Variants in AFDN observed in about 807,000 individuals in gnomAD.
AFDN encodes afadin.
AFDN carries 68 observed loss-of-function variants against 216.6 expected under a neutral mutation model. The observed-to-expected ratio is 0.31, with a 90% CI of 0.26 to 0.38. The LOEUF is 0.38. Among genes scored for constraint, AFDN ranks in the 10% least tolerant of loss-of-function variants. The pLI is 1.00. For missense variants in AFDN, 2,136 were observed against 2,342.0 expected, an observed-to-expected ratio of 0.91 and a Z score of 1.82; for synonymous variants, 868 against 853.7, an observed-to-expected ratio of 1.02 and a Z score of -0.29.
intron 20 of AFDN, 59 bp from the exon 21 acceptor site, chr6:167,918,676 G>C (rs2273134): frequency 0.33 from 496,645 of 1,490,896 alleles, 86,620 homozygotes; most frequent in East Asian, 0.61. Context: ...AATAGTTGTT[G>C]GTCACATGCA....
intron 26 of AFDN, among the ~76,000 whole-genome samples, chr6:167,945,649 G>A (rs1293816130): frequency 2.0e-5 from 3 of 152,234 alleles, no homozygotes; most frequent in South Asian, 4.1e-4. Context: ...TTTCAGCTCC[G>A]TTTTAATCTT....
chr6:167,939,302 G>A (rs1367804434), intron 23 of AFDN, among the ~76,000 whole-genome samples: 1 of 152,208 alleles, frequency 6.6e-6, no homozygotes, highest in Non-Finnish European at 1.5e-5. Context: ...AAAATGTCGT[G>A]AGGTGCCCAT....
At chr6:167,874,213 C>T (rs1207652831) in intron 4 of AFDN, among the ~76,000 whole-genome samples, 1 of 152,168 alleles carries the variant, frequency 6.6e-6, no homozygotes, top group East Asian at 1.9e-4. Flanking sequence ...CACTGGACTA[C>T]ATAGCGAGAC....
chr6:167,916,743 G>A (rs151005560), intron 19 of AFDN, among the ~76,000 whole-genome samples: 138 of 152,084 alleles, frequency 9.1e-4, no homozygotes, highest in African/African-American at 3.3e-3. Context: ...GTTATGAAAA[G>A]TCAGGACGAT....
intron 1 of AFDN, among the ~76,000 whole-genome samples, chr6:167,851,399 G>T (rs1782290312): frequency 6.6e-6 from 1 of 152,140 alleles, no homozygotes; most frequent in Non-Finnish European, 1.5e-5. Flanking sequence ...GTATCCATTA[G>T]ATATTTTTTT....
chr6:167,870,472 A>G lies in AFDN; in HGVS notation c.388A>G (p.Asn130Asp). 2 of 1,611,664 alleles carry G rather than the reference A, an allele frequency of 1.2e-6. No homozygotes were observed. The highest frequency in any genetic ancestry group is 1.7e-6 in the Non-Finnish European group (2 of 1,178,612). The part of the protein sequence containing the change: ...DDREGRFVLK[N>D]ENDAIPPKKA... ...TCGGGAAGGCAGATTTGTTCTTAAG[A>G]ATGAGAATGACGCCATTCCTCCTAA... Residue 130 changes from asparagine to aspartate, a missense_variant, in exon 3 of 34, where the codon AAT becomes GAT. This residue lies in a region of AFDN where 817 missense variants were observed against 965.7 expected (regional missense o/e 0.85). Coordinates refer to ENST00000683244, the MANE Select transcript of AFDN (RefSeq NM_001386888.1).
In AFDN at chr6:167,952,138, T is replaced by C; in HGVS notation, c.4784T>C (p.Val1595Ala). ...GACGAGGAGGAGGAGGACGATGATGTGGACACCATGCTGATCATGCAGCGC... is the reference window on the plus strand; with the variant it reads ...GACGAGGAGGAGGAGGACGATGATGCGGACACCATGCTGATCATGCAGCGC... Reference protein sequence around the residue: ...EDDEEEEDDDVDTMLIMQRLE... With the variant: ...EDDEEEEDDDADTMLIMQRLE... Residue 1595 changes from valine to alanine, a missense_variant, in exon 30 of 34, where the codon GTG becomes GCG. Val to Ala is a moderately conservative substitution (Grantham distance 64). Around this residue, in one of 8 missense-constraint regions of AFDN, gnomAD observed 981 missense variants for 966.0 expected, o/e 1.02. Transcript: ENST00000683244. The C allele has an allele frequency of 6.2e-7, 1 of 1,614,074 alleles. No individual in the cohort carries two copies. The highest frequency in any genetic ancestry group is 8.5e-7 in the Non-Finnish European group (1 of 1,180,000).
chr6:167,970,100 A>G lies in AFDN; in HGVS notation c.*165A>G, dbSNP rs1797924452. On this transcript the variant is annotated 3_prime_UTR_variant, in exon 34 of 34. Coordinates refer to ENST00000683244, the MANE Select transcript of AFDN (RefSeq NM_001386888.1). ...TTTAGAAATGTTTCAATTCCAAGAAATTTTATTTTACTTTACCATGAGATT... is the reference window on the plus strand; with the variant it reads ...TTTAGAAATGTTTCAATTCCAAGAAGTTTTATTTTACTTTACCATGAGATT... The G allele has an allele frequency of 1.0e-5, 6 of 602,822 alleles. No individual in the cohort carries two copies. In the East Asian group the frequency reaches 2.0e-4, roughly 20 times the overall value. The allele number at this position is 602,822 out of a possible 1,614,324, so 37.3% of individuals were successfully genotyped here.
chr6:167,874,400 G>A (rs1785114058), intron 4 of AFDN, among the ~76,000 whole-genome samples: 2 of 151,940 alleles, frequency 1.3e-5, no homozygotes, highest in Non-Finnish European at 2.9e-5. Flanking sequence ...TGTCTTTAAA[G>A]TATGTTTACC....
intron 26 of AFDN, 63 bp from the exon 27 acceptor site, chr6:167,946,644 T>C (rs1487648135): frequency 2.3e-5 from 33 of 1,406,300 alleles, no homozygotes; most frequent in Middle Eastern, 2.2e-4. Context: ...TTATGGAATT[T>C]TAATGATAAT....
chr6:167,956,187 C>T (rs924381371), intron 30 of AFDN, among the ~76,000 whole-genome samples: 1 of 149,594 alleles, frequency 6.7e-6, no homozygotes, highest in Admixed American at 6.7e-5. Context: ...CCCTAGGAGA[C>T]CCTCATCTGT....
intron 7 of AFDN, 100 bp from the exon 8 acceptor site, chr6:167,890,762 A>G (rs1430419759): frequency 2.7e-6 from 3 of 1,106,252 alleles, no homozygotes; most frequent in Non-Finnish European, 3.9e-6. Context: ...CCTAAATTAC[A>G]TGCATCTTTT....
rs1233290613 is a variant in AFDN, at chr6:167,971,634, G to A, written c.*1699G>A. 1 of 193,780 alleles carries A rather than the reference G, an allele frequency of 5.2e-6. No homozygotes were observed. Among genetic ancestry groups the A allele is most frequent in the Non-Finnish European group, 1.1e-5 (1 of 93,204 alleles). 12.0% of individuals were successfully genotyped at this position (193,780 alleles called of 1,614,324 possible). On this transcript the variant is annotated 3_prime_UTR_variant, in exon 34 of 34. Transcript: ENST00000683244. ...AAATCCACACTTTCTTTAAAGAGATGCAGATGAATTACTTTTCTGTTAATA... is the reference window on the plus strand; with the variant it reads ...AAATCCACACTTTCTTTAAAGAGATACAGATGAATTACTTTTCTGTTAATA...
At position 167,907,357 on chromosome 6, in the gene AFDN, G is replaced by T. The variant is rs73258728; in HGVS notation, c.1769+68G>T. ...ATTCCTAAAAAAGGGTTGGGATAAA[G>T]ATTGTTGAATTTATAAAGGTTCAGC... On this transcript the variant is annotated intron_variant, in intron 13 of 33. Coordinates refer to ENST00000683244, the MANE Select transcript of AFDN (RefSeq NM_001386888.1). The T allele has an allele frequency of 0.011, 14,375 of 1,256,106 alleles. 1,194 individuals carry two copies. The African/African-American group carries it at 0.19, about 16-fold the overall frequency. 77.8% of individuals were successfully genotyped at this position (1,256,106 alleles called of 1,614,324 possible). A position where few individuals can be genotyped will look rare whatever the true frequency, so the allele number is the denominator to read the frequency against.
intron 10 of AFDN, 51 bp downstream of exon 10, chr6:167,897,023 C>A (rs771140763): frequency 1.9e-6 from 2 of 1,045,482 alleles, no homozygotes; most frequent in Non-Finnish European, 3.0e-6. Flanking sequence ...GGAGGCATAA[C>A]GTATTGTACA....
intron 13 of AFDN, among the ~76,000 whole-genome samples, chr6:167,909,952 CTA>C (rs915075872): frequency 9.9e-5 from 15 of 152,152 alleles, no homozygotes; most frequent in African/African-American, 2.9e-4. Context: ...AATCACTTGA[CTA>C]TGTGTTTCGC....
At chr6:167,884,577 T>C (rs1786541277) in intron 6 of AFDN, among the ~76,000 whole-genome samples, 1 of 152,172 alleles carries the variant, frequency 6.6e-6, no homozygotes, top group Non-Finnish European at 1.5e-5. Context: ...GCAGTAATAT[T>C]TTCAAAGGGT....
chr6:167,845,325 C>T (rs1182368714), intron 1 of AFDN, among the ~76,000 whole-genome samples: 1 of 152,148 alleles, frequency 6.6e-6, no homozygotes, highest in Admixed American at 6.5e-5. Flanking sequence ...TTTTCCTACT[C>T]AGTCATTTTG....
Position 167,915,086 on chromosome 6 carries a change from A to G in AFDN, c.2300-82A>G, listed in dbSNP as rs114228250. ...AACGGCACTTACTACCATAGGTACCATTATCTAAATCTGCTGCACATTCAA... is the reference window on the plus strand; with the variant it reads ...AACGGCACTTACTACCATAGGTACCGTTATCTAAATCTGCTGCACATTCAA... On this transcript the variant is annotated intron_variant, in intron 18 of 33. Coordinates refer to ENST00000683244, the MANE Select transcript of AFDN (RefSeq NM_001386888.1). 2,100 of 1,423,178 alleles carry G rather than the reference A, an allele frequency of 1.5e-3. 28 individuals are homozygous for G. The African/African-American group carries it at 0.026, about 17-fold the overall frequency. 88.2% of individuals were successfully genotyped at this position (1,423,178 alleles called of 1,614,324 possible).
Sources: allele counts gnomAD v4.1 joint callset (sites outside exome capture counted in the v4.1 genomes callset), GRCh38; gene constraint gnomAD v4.1.1; regional missense constraint gnomAD v4.1.1; transcripts MANE v1.5; gene names NCBI Gene and HGNC (gene_info 2026-07-23, HGNC 2026-07-21).